DOK6: variants seen among roughly 807,000 people sequenced by gnomAD.
The protein encoded by DOK6 is downstream of tyrosine kinase 6.
DOK6 carries 22 observed loss-of-function variants against 44.0 expected under a neutral mutation model. The observed-to-expected ratio is 0.50, with a 90% confidence interval of 0.36 to 0.71. DOK6 has a LOEUF of 0.71. Among genes scored for constraint, DOK6 ranks in the 30% least tolerant of loss-of-function variants. The pLI, the probability that DOK6 is intolerant of heterozygous loss-of-function variation, is 0.00. For synonymous variants in DOK6, 166 were observed against 145.5 expected (o/e 1.14, Z -1.01); for missense variants, 340 against 416.4 (o/e 0.82, Z 1.60).
intron 7 of DOK6, among the ~76,000 whole-genome samples, chr18:69,760,051 T>C (rs1278387789): frequency 4.6e-5 from 7 of 152,156 alleles, no homozygotes; most frequent in African/African-American, 7.2e-5. Context: ...GATAAGGGGA[T>C]AGATGGTTGA....
chr18:69,799,136 T>C (rs1441807998), intron 7 of DOK6, among the ~76,000 whole-genome samples: 2 of 152,108 alleles, frequency 1.3e-5, no homozygotes, highest in East Asian at 3.8e-4. Context: ...CAAGCATTAC[T>C]ATTATTACTA....
chr18:69,503,554 G>A (rs569587541), intron 1 of DOK6, among the ~76,000 whole-genome samples: 1 of 152,060 alleles, frequency 6.6e-6, no homozygotes, highest in Admixed American at 6.5e-5. Flanking sequence ...ATTAAAGAAG[G>A]CAAAAATATT....
chr18:69,595,239 A>G lies in DOK6; in HGVS notation c.175-4145A>G, dbSNP rs187876007. ...CAATGTCTTTTTTTACAGAATTAGA[A>G]AAACAATTGTGTGGCTAATCTAAGC... On this transcript the variant is annotated intron_variant, in intron 2 of 7. Coordinates refer to ENST00000382713, the MANE Select transcript of DOK6 (RefSeq NM_152721.6). Among the ~76,000 whole-genome samples, 6 of 152,356 alleles carry G rather than the reference A, an allele frequency of 3.9e-5. No homozygotes were observed. The East Asian group carries it at 9.6e-4, about 24-fold the overall frequency.
chr18:69,524,848 T>A (rs1028691827), intron 1 of DOK6, among the ~76,000 whole-genome samples: 3 of 151,834 alleles, frequency 2.0e-5, no homozygotes, highest in Admixed American at 1.3e-4. Flanking sequence ...TAGGGAGAGT[T>A]TTTTCTCTTT....
At chr18:69,614,648 C>G (rs994518501) in intron 3 of DOK6, among the ~76,000 whole-genome samples, 9 of 151,042 alleles carry the variant, frequency 6.0e-5, no homozygotes, top group African/African-American at 2.2e-4. Context: ...CAATATGTGG[C>G]GTAGAAACTG....
intron 1 of DOK6, among the ~76,000 whole-genome samples, chr18:69,413,583 C>T (rs1978315496): frequency 6.6e-6 from 1 of 151,980 alleles, no homozygotes; most frequent in African/African-American, 2.4e-5. Flanking sequence ...TGAAACTTCA[C>T]ATAAACTTCA....
At chr18:69,741,078 T>C (rs1978784128) in intron 6 of DOK6, among the ~76,000 whole-genome samples, 1 of 152,188 alleles carries the variant, frequency 6.6e-6, no homozygotes, top group Admixed American at 6.5e-5. Flanking sequence ...CCACAGGCAG[T>C]CTAAAGCCAG....
At chr18:69,634,921 TC>T (rs1984768724) in intron 3 of DOK6, among the ~76,000 whole-genome samples, 1 of 152,212 alleles carries the variant, frequency 6.6e-6, no homozygotes. Context: ...GTAAACTCTT[TC>T]GACCTATGTG....
At chr18:69,648,180 T>C (rs1440867050) in intron 3 of DOK6, among the ~76,000 whole-genome samples, 1 of 152,228 alleles carries the variant, frequency 6.6e-6, no homozygotes, top group Non-Finnish European at 1.5e-5. Context: ...TCTTCATTAA[T>C]ATTTTAGCTC....
intron 5 of DOK6, among the ~76,000 whole-genome samples, chr18:69,712,078 G>A (rs62092673): frequency 0.017 from 2,617 of 150,434 alleles, 45 homozygotes; most frequent in Non-Finnish European, 0.028. Context: ...TCAGGAGATC[G>A]AGACCATCCC....
At chr18:69,475,717 T>C (rs1980241138) in intron 1 of DOK6, among the ~76,000 whole-genome samples, 1 of 152,204 alleles carries the variant, frequency 6.6e-6, no homozygotes, top group Non-Finnish European at 1.5e-5. Context: ...TCGTTCACTT[T>C]AGATACTATC....
intron 1 of DOK6, among the ~76,000 whole-genome samples, chr18:69,404,608 A>G (rs1054902064): frequency 6.6e-6 from 1 of 152,058 alleles, no homozygotes; most frequent in Non-Finnish European, 1.5e-5. Flanking sequence ...CTAGACACAG[A>G]CCTCACATCA....
At chr18:69,405,097 T>C (rs1916177052) in intron 1 of DOK6, among the ~76,000 whole-genome samples, 1 of 152,118 alleles carries the variant, frequency 6.6e-6, no homozygotes, top group Admixed American at 6.6e-5. Context: ...GAATTTTGCT[T>C]TTTCATATTT....
intron 6 of DOK6, among the ~76,000 whole-genome samples, chr18:69,743,131 T>G (rs529703322): frequency 6.6e-6 from 1 of 152,336 alleles, no homozygotes; most frequent in South Asian, 2.1e-4. Context: ...CAGTCTAATT[T>G]TAAAAGAGTT....
chr18:69,514,097 T>G (rs940095741), intron 1 of DOK6, among the ~76,000 whole-genome samples: 1 of 152,134 alleles, frequency 6.6e-6, no homozygotes, highest in Non-Finnish European at 1.5e-5. Context: ...TCATTTAGAT[T>G]TTTTCTCTTG....
intron 6 of DOK6, among the ~76,000 whole-genome samples, chr18:69,756,549 A>T (rs1979362606): frequency 6.6e-6 from 1 of 152,212 alleles, no homozygotes. Context: ...TGAAATAAGT[A>T]AGTTCAAGCT....
intron 1 of DOK6, among the ~76,000 whole-genome samples, chr18:69,552,525 T>A (rs1343186011): frequency 6.6e-6 from 1 of 152,208 alleles, no homozygotes; most frequent in African/African-American, 2.4e-5. Context: ...AAAATGATAT[T>A]ATACATGTGT....
intron 1 of DOK6, among the ~76,000 whole-genome samples, chr18:69,425,071 G>T (rs919390700): frequency 6.6e-6 from 1 of 152,102 alleles, no homozygotes; most frequent in Non-Finnish European, 1.5e-5. Flanking sequence ...CTAGATTATT[G>T]TGAGCAGGAC....
chr18:69,402,078 G>A, intron 1 of DOK6, among the ~76,000 whole-genome samples: 1 of 152,222 alleles, frequency 6.6e-6, no homozygotes, highest in East Asian at 1.9e-4. Context: ...CGGGACAGGA[G>A]GGGCTGTCAC....
Sources: allele counts gnomAD v4.1 joint callset (sites outside exome capture counted in the v4.1 genomes callset), GRCh38; gene constraint gnomAD v4.1.1; transcripts MANE v1.5; gene names NCBI Gene and HGNC (gene_info 2026-07-23, HGNC 2026-07-21).